The following CRYZL1 variants were observed in gnomAD, a reference collection of about 807,000 sequenced individuals.
CRYZL1 encodes the protein ferry endosomal RAB5 effector complex subunit 4.
In CRYZL1, 34 loss-of-function variants were observed where a neutral mutation model predicts 50.6. The observed-to-expected ratio is 0.67, with a 90% confidence interval of 0.51 to 0.89. The LOEUF (loss-of-function observed/expected upper bound fraction) is 0.89. CRYZL1 is among the 40% of genes least tolerant of loss of function. The pLI, the probability that CRYZL1 is intolerant of heterozygous loss-of-function variation, is 0.00. For missense variants in CRYZL1, 354 were observed against 402.3 expected (o/e 0.88, Z 1.03); for synonymous variants, 125 against 134.3 (o/e 0.93, Z 0.48).
intron 4 of CRYZL1, among the ~76,000 whole-genome samples, chr21:33,617,765 T>A (rs1457963154): frequency 6.6e-6 from 1 of 152,152 alleles, no homozygotes; most frequent in African/African-American, 2.4e-5. Flanking sequence ...AATCTACAGA[T>A]AACACAACCG....
At chr21:33,624,287 CTGGAATCCCAGCACTT>C (rs1692284977) in intron 3 of CRYZL1, among the ~76,000 whole-genome samples, 1 of 152,222 alleles carries the variant, frequency 6.6e-6, no homozygotes, top group Non-Finnish European at 1.5e-5. Context: ...TGGCTCATGC[CTGGAATCCCAGCACTT>C]TGGGAGACCG....
At chr21:33,624,625 C>T (rs1437588076) in intron 3 of CRYZL1, 58 bp downstream of exon 3, 2 of 1,585,262 alleles carry the variant, frequency 1.3e-6, no homozygotes, top group Non-Finnish European at 1.7e-6. Flanking sequence ...TATATTTATA[C>T]ACTAAATACA....
At chr21:33,640,795 C>T (rs2087289203) in intron 1 of CRYZL1, among the ~76,000 whole-genome samples, 1 of 152,062 alleles carries the variant, frequency 6.6e-6, no homozygotes, top group Admixed American at 6.6e-5. Flanking sequence ...AATTGAGATG[C>T]GCTGTTAAGT....
chr21:33,640,253 T>C (rs2087264081), intron 1 of CRYZL1: 1 of 1,539,046 alleles, frequency 6.5e-7, no homozygotes, highest in Admixed American at 2.0e-5. Flanking sequence ...CTTTATCTTG[T>C]ATGGCGAACT....
At chr21:33,630,143 C>T (rs769608491) in intron 2 of CRYZL1, among the ~76,000 whole-genome samples, 23 of 152,076 alleles carry the variant, frequency 1.5e-4, no homozygotes, top group Non-Finnish European at 3.1e-4. Flanking sequence ...TCCCCTCATC[C>T]CCATTAGAAT....
At chr21:33,627,981 A>G (rs909517857) in intron 2 of CRYZL1, among the ~76,000 whole-genome samples, 3 of 151,918 alleles carry the variant, frequency 2.0e-5, no homozygotes, top group African/African-American at 7.3e-5. Context: ...TCCTGACCTC[A>G]TGATCTGCCT....
chr21:33,610,834 C>T (rs1189152206), intron 6 of CRYZL1, among the ~76,000 whole-genome samples: 6 of 148,034 alleles, frequency 4.1e-5, no homozygotes, highest in Non-Finnish European at 3.0e-5. Flanking sequence ...TGAGTTCAAG[C>T]GATTCTCCTG....
chr21:33,613,860 T>C (rs539404500), intron 5 of CRYZL1, among the ~76,000 whole-genome samples: 2 of 152,288 alleles, frequency 1.3e-5, no homozygotes, highest in African/African-American at 4.8e-5. Flanking sequence ...CTTGGGAGCA[T>C]CTGGACTCCT....
chr21:33,624,395 A>T (rs771469307), intron 3 of CRYZL1, among the ~76,000 whole-genome samples: 10 of 152,278 alleles, frequency 6.6e-5, no homozygotes, highest in Non-Finnish European at 1.2e-4. Flanking sequence ...AAAAACATAC[A>T]AAAATTAGCT....
chr21:33,631,648 A>T (rs749171257), intron 1 of CRYZL1, 91 bp from the exon 2 acceptor site: 3 of 735,212 alleles, frequency 4.1e-6, no homozygotes, highest in Non-Finnish European at 5.9e-6. Flanking sequence ...GCAAAGGATA[A>T]AACGACAACT....
At chr21:33,595,303 G>A (rs1184148637) in intron 11 of CRYZL1, 1 of 1,044,524 alleles carries the variant, frequency 9.6e-7, no homozygotes, top group Non-Finnish European at 1.3e-6. Context: ...ATTTAGAAAA[G>A]TATTCTGAAA....
In CRYZL1 at chr21:33,613,596, G is replaced by A. The variant is rs751180613; in HGVS notation, c.273C>T (p.Pro91=). Residue 91 remains proline, a synonymous_variant, in exon 6 of 13, where the codon CCC becomes CCT. Coordinates refer to ENST00000381554, the MANE Select transcript of CRYZL1 (RefSeq NM_145858.3). ...QPDDEVVGIL[P]LDSEDPGLCE... ...AAAGTCCAGGGTCTTCAGAGTCCAG[G>A]GGCAAAATTCCTAAAAATCAAAACA... 1.2e-6 allele frequency: 2 copies of A among 1,611,876 alleles called. No individual in the cohort carries two copies. The highest frequency in any genetic ancestry group is 2.2e-5 in the East Asian group (1 of 44,856).
intron 2 of CRYZL1, among the ~76,000 whole-genome samples, chr21:33,630,136 C>T (rs534112159): frequency 1.3e-5 from 2 of 152,232 alleles, no homozygotes; most frequent in Non-Finnish European, 2.9e-5. Flanking sequence ...GAAGATATCC[C>T]CTCATCCCCA....
intron 6 of CRYZL1, among the ~76,000 whole-genome samples, chr21:33,610,767 T>G (rs2086864487): frequency 7.2e-6 from 1 of 138,974 alleles, no homozygotes; most frequent in Non-Finnish European, 1.5e-5. Context: ...AGAGTCTTAC[T>G]CTGTCACCGA....
intron 5 of CRYZL1, chr21:33,616,223 A>G (rs2086930267): frequency 6.5e-6 from 1 of 154,582 alleles, no homozygotes; most frequent in African/African-American, 2.4e-5. Flanking sequence ...TGCTATTGCA[A>G]TCAAGGTCCC....
chr21:33,596,050 C>A, intron 10 of CRYZL1: 1 of 602,840 alleles, frequency 1.7e-6, no homozygotes. Flanking sequence ...AGATGCAAGG[C>A]CAATCTAGAA....
intron 9 of CRYZL1, 46 bp from the exon 10 acceptor site, chr21:33,597,447 T>A (rs751989087): frequency 1.4e-5 from 19 of 1,382,562 alleles, no homozygotes; most frequent in African/African-American, 1.5e-5. Flanking sequence ...AAGAAATATA[T>A]TTTATAATAA....
intron 2 of CRYZL1, among the ~76,000 whole-genome samples, chr21:33,629,423 G>A (rs181459599): frequency 1.3e-5 from 2 of 152,122 alleles, no homozygotes; most frequent in Admixed American, 6.5e-5. Flanking sequence ...CACCACACCC[G>A]GCTAATTTTT....
intron 6 of CRYZL1, among the ~76,000 whole-genome samples, chr21:33,609,193 T>G (rs1265063265): frequency 6.6e-6 from 1 of 152,208 alleles, no homozygotes; most frequent in African/African-American, 2.4e-5. Flanking sequence ...TCTTGCTGTT[T>G]TCTGAGCTCC....
Sources: gnomAD v4.1 joint callset for allele counts (sites outside exome capture counted in the v4.1 genomes callset) on GRCh38, gnomAD v4.1.1 for gene constraint, MANE v1.5 for transcripts, NCBI Gene and HGNC (gene_info 2026-07-23, HGNC 2026-07-21) for gene names.